The following FBXL7 variants were observed in gnomAD, a reference collection of about 807,000 sequenced individuals.
FBXL7 encodes F-box/LRR-repeat protein 7.
FBXL7 carries 12 observed loss-of-function variants against 38.3 expected under a neutral mutation model. That is an observed-to-expected ratio of 0.31 (90% CI 0.20 to 0.51). The LOEUF is 0.51. Among genes scored for constraint, FBXL7 ranks in the 20% least tolerant of loss-of-function variants. The pLI is 0.98. For synonymous variants in FBXL7, 297 were observed against 300.9 expected, an observed-to-expected ratio of 0.99 and a Z score of 0.13; for missense variants, 567 against 676.4, an observed-to-expected ratio of 0.84 and a Z score of 1.79.
At chr5:15,888,676 A>G (rs1482729418) in intron 2 of FBXL7, among the ~76,000 whole-genome samples, 1 of 152,198 alleles carries the variant, frequency 6.6e-6, no homozygotes, top group African/African-American at 2.4e-5. Flanking sequence ...AATGAGGTCT[A>G]AGACCAATAA....
At chr5:15,795,633 G>A (rs1247955605) in intron 2 of FBXL7, among the ~76,000 whole-genome samples, 1 of 152,170 alleles carries the variant, frequency 6.6e-6, no homozygotes, top group Non-Finnish European at 1.5e-5. Flanking sequence ...GCCAACTAAT[G>A]ATGTGTCTGA....
intron 2 of FBXL7, among the ~76,000 whole-genome samples, chr5:15,711,543 G>A (rs1189647519): frequency 6.6e-6 from 1 of 152,126 alleles, no homozygotes; most frequent in African/African-American, 2.4e-5. Flanking sequence ...CTTTATGGGG[G>A]ATACAATTCA....
chr5:15,531,370 G>A (rs889154844), intron 1 of FBXL7, among the ~76,000 whole-genome samples: 7 of 152,166 alleles, frequency 4.6e-5, no homozygotes, highest in Non-Finnish European at 4.4e-5. Flanking sequence ...AAAAATTCTC[G>A]TTAAAATAAA....
chr5:15,772,261 A>T (rs188506825), intron 2 of FBXL7, among the ~76,000 whole-genome samples: 1 of 152,244 alleles, frequency 6.6e-6, no homozygotes, highest in South Asian at 2.1e-4. Context: ...CCTAAGGGAG[A>T]TGTCAGGCAC....
intron 2 of FBXL7, among the ~76,000 whole-genome samples, chr5:15,659,158 C>A (rs959486645): frequency 1.3e-5 from 2 of 152,008 alleles, no homozygotes; most frequent in East Asian, 3.9e-4. Flanking sequence ...CTGAGTTACC[C>A]TTATAAAAAG....
At chr5:15,591,999 C>T (rs566467055) in intron 1 of FBXL7, among the ~76,000 whole-genome samples, 6 of 152,182 alleles carry the variant, frequency 3.9e-5, no homozygotes, top group Admixed American at 1.3e-4. Flanking sequence ...TGTGAGCCAC[C>T]GTGCCCGAGG....
rs1742267108 is a variant in FBXL7 at position 15,938,654 on chromosome 5, A to G, written c.*1468A>G. On this transcript the variant is annotated 3_prime_UTR_variant, in exon 4 of 4. Coordinates refer to ENST00000504595, the MANE Select transcript of FBXL7 (RefSeq NM_012304.5). ...CAATGCCAGATGAATGGAAGAGGGAACACACTGAGATGACTTAGACTCTGG... is the reference window on the plus strand; with the variant it reads ...CAATGCCAGATGAATGGAAGAGGGAGCACACTGAGATGACTTAGACTCTGG... 5.0e-6 allele frequency: 1 copy of G among 201,084 alleles called. No individual in the cohort carries two copies. 12.5% of individuals were successfully genotyped at this position (201,084 alleles called of 1,614,324 possible).
chr5:15,502,776 G>A (rs57738029), intron 1 of FBXL7, among the ~76,000 whole-genome samples: 355 of 152,282 alleles, frequency 2.3e-3, no homozygotes, highest in African/African-American at 8.0e-3. Flanking sequence ...TTATTCCATG[G>A]TAGATTGCAA....
At chr5:15,666,864 C>T (rs1278180005) in intron 2 of FBXL7, among the ~76,000 whole-genome samples, 2 of 152,246 alleles carry the variant, frequency 1.3e-5, no homozygotes, top group East Asian at 3.9e-4. Context: ...CTGTCTTTGT[C>T]ATTTCTTATT....
At chr5:15,783,440 T>C (rs911745770) in intron 2 of FBXL7, among the ~76,000 whole-genome samples, 3 of 152,162 alleles carry the variant, frequency 2.0e-5, no homozygotes, top group Non-Finnish European at 4.4e-5. Flanking sequence ...GATATTGACA[T>C]GTTAGAGAAT....
intron 2 of FBXL7, among the ~76,000 whole-genome samples, chr5:15,684,284 T>C (rs1742942849): frequency 6.6e-6 from 1 of 152,188 alleles, no homozygotes; most frequent in African/African-American, 2.4e-5. Flanking sequence ...AATATTATAA[T>C]ATGATACATG....
intron 2 of FBXL7, among the ~76,000 whole-genome samples, chr5:15,881,600 A>G (rs1332727221): frequency 6.6e-6 from 1 of 152,150 alleles, no homozygotes; most frequent in African/African-American, 2.4e-5. Flanking sequence ...AGGAATCTCC[A>G]CACTTTTTTT....
intron 2 of FBXL7, among the ~76,000 whole-genome samples, chr5:15,673,612 T>C (rs192295211): frequency 6.6e-6 from 1 of 152,270 alleles, no homozygotes; most frequent in East Asian, 1.9e-4. Context: ...AGTGTTACCA[T>C]TGCTTAAACA....
chr5:15,644,538 C>CAG lies in FBXL7; in HGVS notation c.127+28482_127+28483dup, dbSNP rs113093652. On this transcript the variant is annotated intron_variant, in intron 2 of 3. Transcript: ENST00000504595. ...AGGTGGAACGTGGGTGGTGGGGGGACAGAGAGAGAGAGAGAGAAGGGGTAC... is the reference window on the plus strand; with the variant it reads ...AGGTGGAACGTGGGTGGTGGGGGGACAGAGAGAGAGAGAGAGAGAAGGGGTAC... Among the ~76,000 whole-genome samples the CAG allele has an allele frequency of 6.6e-4, 99 of 149,968 alleles. 2 individuals carry two copies. The South Asian group carries it at 0.012, about 17-fold the overall frequency.
At chr5:15,921,863 A>C (rs1291178398) in intron 2 of FBXL7, among the ~76,000 whole-genome samples, 1 of 152,158 alleles carries the variant, frequency 6.6e-6, no homozygotes, top group Non-Finnish European at 1.5e-5. Context: ...ACAGGGTGTG[A>C]AGAAAAGAGA....
chr5:15,523,392 A>G (rs939041531), intron 1 of FBXL7, among the ~76,000 whole-genome samples: 23 of 152,088 alleles, frequency 1.5e-4, no homozygotes, highest in African/African-American at 5.6e-4. Context: ...CCCCGTCTCT[A>G]CTAAAAATAC....
intron 2 of FBXL7, among the ~76,000 whole-genome samples, chr5:15,626,283 G>A (rs1030438999): frequency 6.6e-6 from 1 of 152,094 alleles, no homozygotes; most frequent in Non-Finnish European, 1.5e-5. Context: ...CTTACATCTG[G>A]TGATTTGAGC....
At chr5:15,886,466 A>T (rs540667012) in intron 2 of FBXL7, among the ~76,000 whole-genome samples, 2 of 152,308 alleles carry the variant, frequency 1.3e-5, no homozygotes, top group South Asian at 4.1e-4. Flanking sequence ...TCCTGACTCC[A>T]AAAAGCATTT....
intron 2 of FBXL7, among the ~76,000 whole-genome samples, chr5:15,679,383 C>T (rs1742763694): frequency 6.6e-6 from 1 of 152,164 alleles, no homozygotes; most frequent in East Asian, 1.9e-4. Context: ...TGCCTTCCAG[C>T]TGCAATGCTT....
Sources: gnomAD v4.1 joint callset for allele counts (sites outside exome capture counted in the v4.1 genomes callset) on GRCh38, gnomAD v4.1.1 for gene constraint, MANE v1.5 for transcripts, NCBI Gene and HGNC (gene_info 2026-07-23, HGNC 2026-07-21) for gene names.